Variants in EML4 observed in about 807,000 individuals in gnomAD.
EML4 encodes the protein EMAP like 4, also known as echinoderm microtubule-associated protein-like 4.
EML4 carries 72 observed loss-of-function variants against 129.0 expected under a neutral mutation model. The ratio of observed to expected loss-of-function variants is 0.56; its 90% CI spans 0.46 to 0.68. The LOEUF is 0.68. Ranked by LOEUF, EML4 falls within the 30% of genes least tolerant of loss-of-function variation. The pLI is 0.00. For missense variants in EML4, 1,363 were observed against 1,190.6 expected (o/e 1.14, Z -2.13); for synonymous variants, 532 against 405.0 (o/e 1.31, Z -3.77).
intron 1 of EML4, among the ~76,000 whole-genome samples, chr2:42,239,693 G>A (rs7602593): frequency 6.6e-6 from 1 of 151,328 alleles, no homozygotes; most frequent in African/African-American, 2.4e-5. Flanking sequence ...TTAAAAACCA[G>A]GGGGCAATTA....
chr2:42,259,603 A>G (rs191814546), intron 3 of EML4, among the ~76,000 whole-genome samples: 3 of 152,126 alleles, frequency 2.0e-5, no homozygotes, highest in Non-Finnish European at 2.9e-5. Flanking sequence ...ATATCCATAA[A>G]TAACTTTCTA....
At chr2:42,267,152 T>C (rs1295165947) in intron 6 of EML4, among the ~76,000 whole-genome samples, 1 of 152,222 alleles carries the variant, frequency 6.6e-6, no homozygotes, top group African/African-American at 2.4e-5. Context: ...TAATAAGCCA[T>C]TAAAGGGTTA....
chr2:42,240,686 A>G (rs749575531), intron 1 of EML4, among the ~76,000 whole-genome samples: 30 of 152,202 alleles, frequency 2.0e-4, no homozygotes, highest in South Asian at 4.1e-4. Flanking sequence ...TGGCAATAAT[A>G]AACAGTGCAA....
At chr2:42,312,468 C>T (rs960777311) in intron 17 of EML4, among the ~76,000 whole-genome samples, 4 of 152,146 alleles carry the variant, frequency 2.6e-5, no homozygotes, top group Non-Finnish European at 5.9e-5. Flanking sequence ...CTAAAGACTT[C>T]ATCTGCACAA....
At chr2:42,298,371 C>A (rs527569706) in intron 13 of EML4, among the ~76,000 whole-genome samples, 2 of 152,170 alleles carry the variant, frequency 1.3e-5, no homozygotes, top group African/African-American at 4.8e-5. Flanking sequence ...TGGACTTGAC[C>A]ATATGAGTAA....
intron 5 of EML4, among the ~76,000 whole-genome samples, chr2:42,264,100 C>CAT: frequency 9.1e-6 from 1 of 109,392 alleles, no homozygotes; most frequent in Non-Finnish European, 1.9e-5. Flanking sequence ...TCAAACAATA[C>CAT]GTGTTTTTTT....
intron 6 of EML4, among the ~76,000 whole-genome samples, chr2:42,277,944 G>A (rs1666751268): frequency 6.6e-6 from 1 of 152,052 alleles, no homozygotes; most frequent in African/African-American, 2.4e-5. Context: ...CCTCTTCATG[G>A]TTTGCATCAT....
At chr2:42,204,790 GAAT>G (rs1672442256) in intron 1 of EML4, among the ~76,000 whole-genome samples, 1 of 152,028 alleles carries the variant, frequency 6.6e-6, no homozygotes. Context: ...CAGTTTTTCA[GAAT>G]AATGAGAAAC....
intron 1 of EML4, among the ~76,000 whole-genome samples, chr2:42,232,880 A>G (rs965770797): frequency 6.6e-6 from 1 of 152,012 alleles, no homozygotes; most frequent in Non-Finnish European, 1.5e-5. Context: ...GCCCGCCACA[A>G]CGCGCGGCTA....
chr2:42,250,529 T>C (rs1052077610), intron 2 of EML4, among the ~76,000 whole-genome samples: 1 of 152,188 alleles, frequency 6.6e-6, no homozygotes, highest in African/African-American at 2.4e-5. Context: ...TGTGTAGAAG[T>C]ATAGTCATGC....
chr2:42,300,311 T>G (rs191515535), intron 13 of EML4, among the ~76,000 whole-genome samples: 2 of 152,322 alleles, frequency 1.3e-5, no homozygotes, highest in Admixed American at 1.3e-4. Flanking sequence ...GCTAAAGAGC[T>G]TCTCTGAGTA....
chr2:42,263,682 C>T (rs1201348959), intron 5 of EML4, among the ~76,000 whole-genome samples: 12 of 151,782 alleles, frequency 7.9e-5, no homozygotes, highest in African/African-American at 2.9e-4. Context: ...GGATTCCAGG[C>T]GTGAGCCACC....
At chr2:42,182,170 T>A (rs931563192) in intron 1 of EML4, among the ~76,000 whole-genome samples, 30 of 149,656 alleles carry the variant, frequency 2.0e-4, no homozygotes, top group African/African-American at 7.4e-4. Flanking sequence ...TTTTTTTTTT[T>A]ATTATACTTT....
intron 1 of EML4, among the ~76,000 whole-genome samples, chr2:42,226,428 G>T (rs903176585): frequency 8.5e-6 from 1 of 117,834 alleles, no homozygotes; most frequent in African/African-American, 2.8e-5. Flanking sequence ...GGGAGGCCGA[G>T]GCGGGCGGAT....
chr2:42,317,479 A>G lies in EML4; in HGVS notation c.2109A>G (p.Val703=). 1 of 1,612,924 alleles carries G rather than the reference A, an allele frequency of 6.2e-7. No individual in the cohort carries two copies. The highest frequency in any genetic ancestry group is 8.5e-7 in the Non-Finnish European group (1 of 1,179,294). ...ATGACAACTTTATTTACCTCTATGT[A>G]GTCTCTGAAAATGGAAGAAAATATA... ...GSHDNFIYLY[V]VSENGRKYSR... The change falls in exon 19 of 23, where the codon GTA becomes GTG. Residue 703 remains valine (V), a synonymous_variant. Coordinates refer to ENST00000318522, the MANE Select transcript of EML4 (RefSeq NM_019063.5).
At chr2:42,283,958 T>C (rs562884885) in intron 8 of EML4, among the ~76,000 whole-genome samples, 1 of 152,216 alleles carries the variant, frequency 6.6e-6, no homozygotes, top group Non-Finnish European at 1.5e-5. Context: ...ACAACCGTTG[T>C]TGAAAGAGTC....
intron 1 of EML4, among the ~76,000 whole-genome samples, chr2:42,198,150 A>T (rs991844501): frequency 3.3e-5 from 5 of 152,196 alleles, no homozygotes; most frequent in African/African-American, 1.2e-4. Context: ...GAATGTCCAA[A>T]CACCTGTAGC....
chr2:42,258,838 T>A (rs1665526766), intron 3 of EML4, among the ~76,000 whole-genome samples: 1 of 152,256 alleles, frequency 6.6e-6, no homozygotes, highest in African/African-American at 2.4e-5. Flanking sequence ...TATAACATTT[T>A]AAACTATTAT....
chr2:42,261,439 T>G, intron 4 of EML4, 145 bp downstream of exon 4: 1 of 590,410 alleles, frequency 1.7e-6, no homozygotes, highest in Non-Finnish European at 2.8e-6. Flanking sequence ...TTATAATTTA[T>G]GCTTTATAGC....
Sources: allele counts gnomAD v4.1 joint callset (sites outside exome capture counted in the v4.1 genomes callset), GRCh38; gene constraint gnomAD v4.1.1; transcripts MANE v1.5; gene names NCBI Gene and HGNC (gene_info 2026-07-23, HGNC 2026-07-21).